Variants in AKAP13 observed in about 807,000 individuals in gnomAD.
AKAP13 encodes A-kinase anchor protein 13.
In AKAP13, 80 loss-of-function variants were observed where a neutral mutation model predicts 264.5. The observed-to-expected ratio is 0.30, with a 90% CI of 0.25 to 0.36. The LOEUF is 0.36. Among genes scored for constraint, AKAP13 ranks in the 10% least tolerant of loss-of-function variants. AKAP13 has a pLI of 1.00. For synonymous variants in AKAP13, 1,380 were observed against 1,250.2 expected (o/e 1.10, Z -2.19); for missense variants, 3,712 against 3,435.2 (o/e 1.08, Z -2.01).
intron 8 of AKAP13, among the ~76,000 whole-genome samples, chr15:85,632,091 C>T (rs900451987): frequency 1.3e-5 from 2 of 152,122 alleles, no homozygotes; most frequent in African/African-American, 2.4e-5. Context: ...TGTGGTGGAT[C>T]GGAAATTGTT....
At chr15:85,594,788 C>T (rs1173285023) in intron 8 of AKAP13, among the ~76,000 whole-genome samples, 2 of 152,148 alleles carry the variant, frequency 1.3e-5, no homozygotes, top group Non-Finnish European at 2.9e-5. Context: ...ACAATTTAGG[C>T]AGTTTTAGAT....
In AKAP13 at chr15:85,580,715, G is replaced by A. The variant is rs2079130850; in HGVS notation, c.2647G>A (p.Ala883Thr). The A allele has an allele frequency of 6.2e-7, 1 of 1,614,030 alleles. No homozygotes were observed. The highest frequency in any genetic ancestry group is 1.3e-5 in the African/African-American group (1 of 74,918). ...TCCCGCCCCTCCAGCAATCCCAGAA[G>A]CTCTGAATATCAAGGGGAACACTGA... ...EGPAPPAIPE[A>T]LNIKGNTDSS... Residue 883 changes from alanine (A) to threonine (T), a missense_variant, in exon 7 of 37, where the codon GCT becomes ACT. Coordinates refer to ENST00000394518, the MANE Select transcript of AKAP13 (RefSeq NM_007200.5).
chr15:85,661,097 A>G (rs338546), intron 12 of AKAP13, among the ~76,000 whole-genome samples: 150,294 of 152,312 alleles, frequency 0.99, 74,157 homozygotes, highest in Middle Eastern at 1. Context: ...GAAAACAAAA[A>G]CACATCACCT....
chr15:85,722,427 A>C, intron 25 of AKAP13, 80 bp downstream of exon 25: 4 of 1,196,982 alleles, frequency 3.3e-6, no homozygotes, highest in Non-Finnish European at 4.7e-6. Flanking sequence ...GCCCCATGGA[A>C]GTGCTATTTC....
intron 8 of AKAP13, among the ~76,000 whole-genome samples, chr15:85,633,022 C>A (rs183209136): frequency 6.6e-6 from 1 of 152,090 alleles, no homozygotes; most frequent in Admixed American, 6.6e-5. Context: ...TGTGCCACCA[C>A]GCCCAGATAA....
At chr15:85,723,820 A>G (rs2087443836) in intron 26 of AKAP13, among the ~76,000 whole-genome samples, 1 of 152,240 alleles carries the variant, frequency 6.6e-6, no homozygotes, top group Non-Finnish European at 1.5e-5. Context: ...CACATCAATT[A>G]GATTTTTTTA....
At chr15:85,522,643 C>G (rs1222685424) in intron 3 of AKAP13, among the ~76,000 whole-genome samples, 1 of 152,062 alleles carries the variant, frequency 6.6e-6, no homozygotes, top group Non-Finnish European at 1.5e-5. Flanking sequence ...CACATTTCTT[C>G]CCTTGACTTT....
chr15:85,679,521 AACGTTGTGTT>A (rs2084462475), intron 14 of AKAP13, among the ~76,000 whole-genome samples: 1 of 152,210 alleles, frequency 6.6e-6, no homozygotes, highest in African/African-American at 2.4e-5. Context: ...TTAAAATGCT[AACGTTGTGTT>A]ACGTTGTGGA....
intron 1 of AKAP13, among the ~76,000 whole-genome samples, chr15:85,435,003 TCAGA>T (rs1287942706): frequency 2.0e-5 from 3 of 150,974 alleles, no homozygotes; most frequent in Non-Finnish European, 1.5e-5. Context: ...GAAGAAGGCT[TCAGA>T]CAATCAAATT....
intron 16 of AKAP13, among the ~76,000 whole-genome samples, chr15:85,686,145 C>CTG (rs36166313): frequency 0.19 from 28,165 of 149,386 alleles, 3,388 homozygotes; most frequent in Middle Eastern, 0.39. Flanking sequence ...CAAGGAATCA[C>CTG]TGTGTGTGTG....
intron 17 of AKAP13, among the ~76,000 whole-genome samples, chr15:85,696,087 T>C (rs1033257983): frequency 6.6e-6 from 1 of 152,236 alleles, no homozygotes; most frequent in Non-Finnish European, 1.5e-5. Context: ...TGTGCCATAC[T>C]TTCCAAGAGC....
At chr15:85,441,815 AT>A (rs1357334053) in intron 1 of AKAP13, among the ~76,000 whole-genome samples, 3 of 152,012 alleles carry the variant, frequency 2.0e-5, no homozygotes, top group Admixed American at 2.0e-4. Context: ...AGTCTTACAT[AT>A]GCTGTGAACA....
At chr15:85,532,134 TG>T (rs574579162) in intron 3 of AKAP13, among the ~76,000 whole-genome samples, 138 of 152,360 alleles carry the variant, frequency 9.1e-4, no homozygotes, top group African/African-American at 3.2e-3. Context: ...GACTGTCAGA[TG>T]CCTGGCGTGT....
rs1381790608 is a variant in AKAP13 at position 85,399,458 on chromosome 15, T to TGCAGTCC, written c.-12+18669_-12+18675dup. 4.6e-5 allele frequency among the ~76,000 whole-genome samples: 6 copies of TGCAGTCC among 130,222 alleles called. No individual in the cohort carries two copies. In the East Asian group the frequency reaches 1.3e-3, roughly 29 times the overall value. The allele number at this position is 130,222 out of a possible 152,430, so 85.4% of individuals were successfully genotyped here. ...TTGCAGTGAGCCGAGATTGCGCCAC[T>TGCAGTCC]GCAGTCCGCAGTCCGGCCTGGGCGA... On this transcript the variant is annotated intron_variant, in intron 1 of 36. Transcript: ENST00000394518.
At chr15:85,508,614 C>T (rs115602143) in intron 2 of AKAP13, among the ~76,000 whole-genome samples, 44 of 152,072 alleles carry the variant, frequency 2.9e-4, no homozygotes, top group African/African-American at 9.7e-4. Flanking sequence ...TCCTGTTCTC[C>T]GCAGAGGAAC....
chr15:85,427,521 GCA>G (rs767082026), intron 1 of AKAP13, among the ~76,000 whole-genome samples: 4 of 151,950 alleles, frequency 2.6e-5, no homozygotes, highest in Admixed American at 1.3e-4. Context: ...GTGTGTGTGC[GCA>G]CACACACGCT....
At chr15:85,495,318 T>G (rs559801011) in intron 2 of AKAP13, among the ~76,000 whole-genome samples, 1 of 152,104 alleles carries the variant, frequency 6.6e-6, no homozygotes, top group African/African-American at 2.4e-5. Flanking sequence ...TGGACCCTTG[T>G]GGTTAATGAT....
chr15:85,488,111 T>A (rs1399834642), intron 2 of AKAP13, among the ~76,000 whole-genome samples: 2 of 152,150 alleles, frequency 1.3e-5, no homozygotes, highest in African/African-American at 4.8e-5. Flanking sequence ...GCTGCCCAGG[T>A]TGGGCTCAAG....
chr15:85,562,656 AT>A (rs2151268293), intron 5 of AKAP13, among the ~76,000 whole-genome samples: 1 of 138,874 alleles, frequency 7.2e-6, no homozygotes, highest in South Asian at 2.3e-4. Flanking sequence ...AACTGCTGTT[AT>A]CCCACTTTCC....
Sources: allele counts gnomAD v4.1 joint callset (sites outside exome capture counted in the v4.1 genomes callset), GRCh38; gene constraint gnomAD v4.1.1; transcripts MANE v1.5; gene names NCBI Gene and HGNC (gene_info 2026-07-23, HGNC 2026-07-21).